ZNF831: variants seen among roughly 807,000 people sequenced by gnomAD.
ZNF831 encodes chromosome 20 open reading frame 174.
Under a neutral mutation model 95.8 loss-of-function variants are expected in ZNF831, and 59 were observed. The ratio of observed to expected loss-of-function variants is 0.62; its 90% CI spans 0.50 to 0.77. The LOEUF (loss-of-function observed/expected upper bound fraction) is 0.77, where lower values mean the gene tolerates loss of function less well. ZNF831 is among the 30% of genes least tolerant of loss of function. The pLI is 0.00. For synonymous variants in ZNF831, 961 were observed against 925.5 expected (o/e 1.04, Z -0.70); for missense variants, 2,205 against 2,164.0 (o/e 1.02, Z -0.38).
At chr20:59,154,331 A>C (rs1278925159) in intron 2 of ZNF831, among the ~76,000 whole-genome samples, 2 of 152,210 alleles carry the variant, frequency 1.3e-5, no homozygotes, top group Non-Finnish European at 2.9e-5. Flanking sequence ...TAGAAGGTAC[A>C]CATAACCGTG....
At chr20:59,164,974 G>A (rs1028279021) in intron 1 of ZNF831, among the ~76,000 whole-genome samples, 1 of 152,198 alleles carries the variant, frequency 6.6e-6, no homozygotes, top group African/African-American at 2.4e-5. Flanking sequence ...CAGAATCAAC[G>A]TCAGGGCCAG....
chr20:59,209,355 C>T (rs1432846383), intron 4 of ZNF831, among the ~76,000 whole-genome samples: 1 of 152,126 alleles, frequency 6.6e-6, no homozygotes, highest in Non-Finnish European at 1.5e-5. Flanking sequence ...GAGGTCATCT[C>T]ATTAGTGTTG....
chr20:59,128,747 C>CT (rs1487832078), intron 1 of ZNF831, among the ~76,000 whole-genome samples: 5 of 152,144 alleles, frequency 3.3e-5, no homozygotes, highest in African/African-American at 1.2e-4. Flanking sequence ...CTTTAAAACA[C>CT]TTTTTATTTT....
At chr20:59,237,637 G>T (rs558409840) in intron 4 of ZNF831, among the ~76,000 whole-genome samples, 1 of 152,322 alleles carries the variant, frequency 6.6e-6, no homozygotes, top group South Asian at 2.1e-4. Context: ...AGCTTTGTCT[G>T]CTGAGTTTCG....
Position 59,256,910 on chromosome 20 carries a change from A to G in ZNF831, c.*2167A>G, listed in dbSNP as rs536279814. The G allele has an allele frequency of 6.6e-6, 1 of 152,346 alleles. No individual in the cohort carries two copies. Among genetic ancestry groups the G allele is most frequent in the South Asian group, 2.1e-4 (1 of 4,828 alleles). 9.4% of individuals were successfully genotyped at this position (152,346 alleles called of 1,614,324 possible). On this transcript the variant is annotated 3_prime_UTR_variant, in exon 6 of 6. Transcript: ENST00000371030. ...AGTTCAAAAAATTAAAAGCAAAACC[A>G]GAACTCTCCAGTAGGAATGGAGAAA...
intron 4 of ZNF831, among the ~76,000 whole-genome samples, chr20:59,220,659 C>T (rs1482802303): frequency 6.6e-6 from 1 of 152,224 alleles, no homozygotes; most frequent in Non-Finnish European, 1.5e-5. Flanking sequence ...TAGGTCTCAA[C>T]ATCTAGCTAG....
At chr20:59,170,610 A>G (rs530332937) in intron 1 of ZNF831, among the ~76,000 whole-genome samples, 1 of 152,348 alleles carries the variant, frequency 6.6e-6, no homozygotes, top group South Asian at 2.1e-4. Context: ...GCCATACAAT[A>G]GGCTAAATGA....
Position 59,241,798 on chromosome 20 carries a change from T to C in ZNF831, c.4028-11180T>C, listed in dbSNP as rs543730052. Reference sequence around the variant, plus strand: ...CCTTTAGTATTGTTTAGAAGAAATATCTGGGTGAAAGGAAGTTTTCTGCTT... The same window carrying C: ...CCTTTAGTATTGTTTAGAAGAAATACCTGGGTGAAAGGAAGTTTTCTGCTT... On this transcript the variant is annotated intron_variant, in intron 4 of 5. Coordinates refer to ENST00000371030, the MANE Select transcript of ZNF831 (RefSeq NM_178457.3). 2.7e-3 allele frequency among the ~76,000 whole-genome samples: 414 copies of C among 152,346 alleles called. 1 individual carries two copies. Among genetic ancestry groups the C allele is most frequent in the African/African-American group, 9.1e-3 (378 of 41,582 alleles).
intron 4 of ZNF831, among the ~76,000 whole-genome samples, chr20:59,239,549 C>CTTTTTT (rs10653584): frequency 7.8e-6 from 1 of 127,446 alleles, no homozygotes; most frequent in Admixed American, 7.9e-5. Context: ...TCTGTAAACA[C>CTTTTTT]TTTTTTTTTT....
intron 1 of ZNF831, among the ~76,000 whole-genome samples, chr20:59,145,256 G>T (rs1437385197): frequency 6.6e-6 from 1 of 152,168 alleles, no homozygotes; most frequent in African/African-American, 2.4e-5. Flanking sequence ...ATTGACTTGG[G>T]TCACGTTACC....
intron 4 of ZNF831, among the ~76,000 whole-genome samples, chr20:59,220,651 G>T (rs751878893): frequency 6.6e-5 from 10 of 152,036 alleles, no homozygotes; most frequent in South Asian, 2.1e-4. Flanking sequence ...AAAGAGGTTA[G>T]GTCTCAACAT....
chr20:59,176,943 G>C (rs1982214731), intron 1 of ZNF831, among the ~76,000 whole-genome samples: 1 of 152,170 alleles, frequency 6.6e-6, no homozygotes, highest in South Asian at 2.1e-4. Context: ...ATTTTATTTT[G>C]TGTTCTAAGC....
intron 1 of ZNF831, among the ~76,000 whole-genome samples, chr20:59,138,591 C>A (rs1297652772): frequency 6.6e-6 from 1 of 152,202 alleles, no homozygotes; most frequent in Non-Finnish European, 1.5e-5. Context: ...CATTCCCACA[C>A]CCCCTCAAAG....
At chr20:59,142,456 C>A (rs1979712695) in intron 1 of ZNF831, among the ~76,000 whole-genome samples, 1 of 152,202 alleles carries the variant, frequency 6.6e-6, no homozygotes, top group Non-Finnish European at 1.5e-5. Flanking sequence ...TTCCCCAATA[C>A]CCCCTACCCC....
At chr20:59,252,914 A>G in intron 4 of ZNF831, 64 bp from the exon 5 acceptor site, 3 of 1,536,196 alleles carry the variant, frequency 2.0e-6, no homozygotes. Context: ...ACAACCTCCC[A>G]GGAAATTACT....
At chr20:59,152,683 A>G (rs1201813337) in intron 2 of ZNF831, among the ~76,000 whole-genome samples, 2 of 152,192 alleles carry the variant, frequency 1.3e-5, no homozygotes, top group African/African-American at 2.4e-5. Context: ...CCCTGAGGGC[A>G]TAAGTGAAGC....
chr20:59,203,929 C>T (rs965729542), intron 3 of ZNF831, among the ~76,000 whole-genome samples: 1 of 152,172 alleles, frequency 6.6e-6, no homozygotes, highest in African/African-American at 2.4e-5. Flanking sequence ...CCTGCCTTGC[C>T]CAAAGCAAGC....
At chr20:59,175,421 T>A (rs1982075798) in intron 1 of ZNF831, among the ~76,000 whole-genome samples, 1 of 152,096 alleles carries the variant, frequency 6.6e-6, no homozygotes, top group Non-Finnish European at 1.5e-5. Context: ...TCATTTTTTT[T>A]TTATTTTTTT....
At chr20:59,195,377 G>C (rs1171651863) in intron 2 of ZNF831, among the ~76,000 whole-genome samples, 1 of 152,186 alleles carries the variant, frequency 6.6e-6, no homozygotes, top group Non-Finnish European at 1.5e-5. Context: ...CTTGGGCCGC[G>C]GCCACTGAGG....
Sources: gnomAD v4.1 joint callset for allele counts (sites outside exome capture counted in the v4.1 genomes callset) on GRCh38, gnomAD v4.1.1 for gene constraint, MANE v1.5 for transcripts, NCBI Gene and HGNC (gene_info 2026-07-23, HGNC 2026-07-21) for gene names.